The following RBFOX1 variants were observed in gnomAD, a reference collection of about 807,000 sequenced individuals.
RBFOX1 encodes RNA binding fox-1 homolog 1, also known as RNA binding protein fox-1 homolog 1.
Under a neutral mutation model 57.7 loss-of-function variants are expected in RBFOX1, and 8 were observed. The ratio of observed to expected loss-of-function variants is 0.14; its 90% CI spans 0.08 to 0.25. RBFOX1 has a LOEUF of 0.25. RBFOX1 is among the 10% of genes least tolerant of loss of function. The probability of loss-of-function intolerance (pLI) is 1.00; values close to 1 mark genes in which losing one functional copy is unlikely to be tolerated. For synonymous variants in RBFOX1, 326 were observed against 222.4 expected, an observed-to-expected ratio of 1.47 and a Z score of -4.15; for missense variants, 611 against 548.5, an observed-to-expected ratio of 1.11 and a Z score of -1.14.
chr16:5,367,692 T>C (rs1007889704), intron 1 of RBFOX1, among the ~76,000 whole-genome samples: 2 of 152,226 alleles, frequency 1.3e-5, no homozygotes, highest in Admixed American at 6.5e-5. Context: ...ATGATTTCAC[T>C]TAATCTTCAT....
chr16:5,312,579 T>C (rs2064121566), intron 1 of RBFOX1, among the ~76,000 whole-genome samples: 1 of 152,148 alleles, frequency 6.6e-6, no homozygotes, highest in Non-Finnish European at 1.5e-5. Context: ...CCTCCCAAAG[T>C]GCTGGGATTA....
intron 2 of RBFOX1, among the ~76,000 whole-genome samples, chr16:5,509,771 G>A (rs1319252982): frequency 1.3e-5 from 2 of 152,194 alleles, no homozygotes; most frequent in African/African-American, 4.8e-5. Context: ...CATACACAGG[G>A]GAGTGGATGG....
chr16:5,383,126 C>T (rs756464429), intron 1 of RBFOX1, among the ~76,000 whole-genome samples: 2 of 152,236 alleles, frequency 1.3e-5, no homozygotes, highest in Non-Finnish European at 1.5e-5. Context: ...TAATTTCACA[C>T]TCCAACTGTT....
At chr16:7,292,213 TATGATATATGATATAGAA>T (rs1480433012) in intron 4 of RBFOX1, among the ~76,000 whole-genome samples, 60 of 121,318 alleles carry the variant, frequency 4.9e-4, no homozygotes, top group African/African-American at 1.8e-3. Context: ...ATATCATATA[TATGATATATGATATAGAA>T]CGTATTATAT....
chr16:6,929,320 C>T (rs959188673), intron 3 of RBFOX1, among the ~76,000 whole-genome samples: 1 of 152,024 alleles, frequency 6.6e-6, no homozygotes, highest in African/African-American at 2.4e-5. Context: ...AGGGGTTTAC[C>T]TTGTTTTTTC....
At chr16:7,622,099 G>C (rs919226018) in intron 10 of RBFOX1, among the ~76,000 whole-genome samples, 3 of 152,124 alleles carry the variant, frequency 2.0e-5, no homozygotes, top group Non-Finnish European at 4.4e-5. Context: ...GGGGAGGGGA[G>C]CAGTTGGATT....
At chr16:5,679,607 G>A (rs982268003) in intron 3 of RBFOX1, among the ~76,000 whole-genome samples, 2 of 152,028 alleles carry the variant, frequency 1.3e-5, no homozygotes, top group African/African-American at 4.8e-5. Flanking sequence ...TGCAGTGTCT[G>A]GTTTTCTGTT....
At position 6,232,591 on chromosome 16, in the gene RBFOX1, G is replaced by C. The variant is rs187686230; in HGVS notation, c.-126-84404G>C. ...TCTTGCCTTGGAGATTGACTTTCTTGTTCCAGTTGTCTAGAAAAGTATTTC... is the reference window on the plus strand; with the variant it reads ...TCTTGCCTTGGAGATTGACTTTCTTCTTCCAGTTGTCTAGAAAAGTATTTC... On this transcript the variant is annotated intron_variant, in intron 1 of 15. Transcript: ENST00000550418. 3.3e-5 allele frequency among the ~76,000 whole-genome samples: 5 copies of C among 152,228 alleles called. No homozygotes were observed. The East Asian group carries it at 9.7e-4, about 29-fold the overall frequency.
chr16:6,211,734 G>T (rs894561952), intron 1 of RBFOX1, among the ~76,000 whole-genome samples: 1 of 152,010 alleles, frequency 6.6e-6, no homozygotes, highest in Non-Finnish European at 1.5e-5. Flanking sequence ...ACTGGGTCTT[G>T]TAATTGTGCT....
chr16:6,547,937 C>T (rs1024107053), intron 2 of RBFOX1, among the ~76,000 whole-genome samples: 2 of 152,158 alleles, frequency 1.3e-5, no homozygotes, highest in African/African-American at 4.8e-5. Flanking sequence ...CTGTGAAAGA[C>T]CCTTAGCTGG....
chr16:7,290,510 A>C (rs2095748033), intron 4 of RBFOX1, among the ~76,000 whole-genome samples: 1 of 152,232 alleles, frequency 6.6e-6, no homozygotes, highest in Non-Finnish European at 1.5e-5. Context: ...CTATTTTCAA[A>C]AGGTAGCTGA....
intron 4 of RBFOX1, among the ~76,000 whole-genome samples, chr16:5,983,994 C>A (rs1172640061): frequency 1.4e-5 from 2 of 140,594 alleles, no homozygotes; most frequent in East Asian, 4.5e-4. Flanking sequence ...CTCCCACATT[C>A]TTCTTCTTCT....
chr16:6,114,655 G>C (rs968834415), intron 1 of RBFOX1, among the ~76,000 whole-genome samples: 2 of 152,100 alleles, frequency 1.3e-5, no homozygotes, highest in African/African-American at 2.4e-5. Context: ...TGATATGCTT[G>C]CCTTGTCTGT....
At chr16:7,176,308 T>G (rs2081639501) in intron 4 of RBFOX1, among the ~76,000 whole-genome samples, 1 of 151,794 alleles carries the variant, frequency 6.6e-6, no homozygotes, top group Admixed American at 6.6e-5. Flanking sequence ...CTTTAGCTTT[T>G]ATCGTTTTTA....
At chr16:6,918,420 C>G (rs1362283102) in intron 3 of RBFOX1, among the ~76,000 whole-genome samples, 1 of 152,118 alleles carries the variant, frequency 6.6e-6, no homozygotes, top group Non-Finnish European at 1.5e-5. Context: ...TATTTTTGAA[C>G]TGTAGCTATA....
chr16:6,410,392 A>G (rs1465113410), intron 2 of RBFOX1, among the ~76,000 whole-genome samples: 1 of 149,248 alleles, frequency 6.7e-6, no homozygotes, highest in African/African-American at 2.5e-5. Flanking sequence ...ACTCACTGCA[A>G]GCTCCACCTT....
intron 3 of RBFOX1, among the ~76,000 whole-genome samples, chr16:7,044,757 T>G (rs577747332): frequency 2.0e-5 from 3 of 152,168 alleles, no homozygotes; most frequent in Non-Finnish European, 1.5e-5. Context: ...AAAGTGTACA[T>G]TTAAGATATT....
intron 3 of RBFOX1, among the ~76,000 whole-genome samples, chr16:5,705,900 G>T (rs891400600): frequency 6.6e-6 from 1 of 152,062 alleles, no homozygotes; most frequent in Admixed American, 6.5e-5. Flanking sequence ...TGAACTGATC[G>T]TGTTGCTTTT....
intron 2 of RBFOX1, among the ~76,000 whole-genome samples, chr16:6,566,301 A>G (rs896074946): frequency 6.6e-6 from 1 of 152,016 alleles, no homozygotes; most frequent in Admixed American, 6.5e-5. Context: ...GCTATGCCTA[A>G]TTGCACCTCG....
Sources: gnomAD v4.1 joint callset for allele counts (sites outside exome capture counted in the v4.1 genomes callset) on GRCh38, gnomAD v4.1.1 for gene constraint, MANE v1.5 for transcripts, NCBI Gene and HGNC (gene_info 2026-07-23, HGNC 2026-07-21) for gene names.